IPCEF1: variants seen among roughly 807,000 people sequenced by gnomAD.
The protein encoded by IPCEF1 is interactor protein for cytohesin exchange factors 1.
IPCEF1 carries 31 observed loss-of-function variants against 50.9 expected under a neutral mutation model. The ratio of observed to expected loss-of-function variants is 0.61; its 90% CI spans 0.46 to 0.82. IPCEF1 has a LOEUF of 0.82. Among genes scored for constraint, IPCEF1 ranks in the 40% least tolerant of loss-of-function variants. The pLI is 0.00. For synonymous variants in IPCEF1, 181 were observed against 192.0 expected (o/e 0.94, Z 0.47); for missense variants, 458 against 514.0 (o/e 0.89, Z 1.05).
chr6:154,247,958 G>T (rs1190954914), intron 3 of IPCEF1, among the ~76,000 whole-genome samples: 2 of 152,146 alleles, frequency 1.3e-5, no homozygotes, highest in African/African-American at 2.4e-5. Flanking sequence ...TCAGCTCATA[G>T]TCCTGCTACC....
rs555077259 is a variant in IPCEF1, at chr6:154,159,615, C to G, written c.*213G>C. ...ACAAAAAACGCCTTTCAACTGAACT[C>G]AATCATTCCAATCTCAATGGATGCG... On this transcript the variant is annotated 3_prime_UTR_variant, in exon 12 of 12. Transcript: ENST00000367220. The G allele has an allele frequency of 3.4e-5, 19 of 562,542 alleles. No individual in the cohort carries two copies. In the Admixed American group the frequency reaches 5.5e-4, roughly 16 times the overall value. 34.8% of individuals were successfully genotyped at this position (562,542 alleles called of 1,614,324 possible).
chr6:154,285,226 G>T (rs1239937882), intron 2 of IPCEF1, among the ~76,000 whole-genome samples: 1 of 152,072 alleles, frequency 6.6e-6, no homozygotes, highest in Non-Finnish European at 1.5e-5. Context: ...GAAAGACATT[G>T]GTATCTCTAC....
chr6:154,208,590 G>A (rs977109972), intron 9 of IPCEF1, among the ~76,000 whole-genome samples: 2 of 152,218 alleles, frequency 1.3e-5, no homozygotes, highest in Non-Finnish European at 2.9e-5. Context: ...TGTGTTCCAA[G>A]TATTTAGAAT....
chr6:154,297,231 G>A (rs189079758), intron 1 of IPCEF1, among the ~76,000 whole-genome samples: 1 of 152,124 alleles, frequency 6.6e-6, no homozygotes, highest in East Asian at 1.9e-4. Context: ...GTAAAGACGG[G>A]GTTTCACCAT....
At chr6:154,196,032 C>T (rs752589682) in intron 10 of IPCEF1, among the ~76,000 whole-genome samples, 16 of 152,052 alleles carry the variant, frequency 1.1e-4, no homozygotes, top group Admixed American at 2.0e-4. Context: ...CCTCGTGATC[C>T]GCCTACCTCG....
chr6:154,281,899 G>A (rs1240007679), intron 2 of IPCEF1, among the ~76,000 whole-genome samples: 1 of 152,200 alleles, frequency 6.6e-6, no homozygotes, highest in African/African-American at 2.4e-5. Flanking sequence ...AGCTACGTGG[G>A]AGGCTGAGAC....
At chr6:154,278,407 C>A (rs559958560) in intron 2 of IPCEF1, among the ~76,000 whole-genome samples, 1 of 152,114 alleles carries the variant, frequency 6.6e-6, no homozygotes, top group Non-Finnish European at 1.5e-5. Context: ...ATCCAAGAGA[C>A]GCCAAGGCTC....
intron 2 of IPCEF1, among the ~76,000 whole-genome samples, chr6:154,281,901 G>C (rs1000101840): frequency 6.6e-6 from 1 of 152,214 alleles, no homozygotes; most frequent in Non-Finnish European, 1.5e-5. Context: ...CTACGTGGGA[G>C]GCTGAGACAG....
At chr6:154,201,251 T>C (rs1457577738) in intron 9 of IPCEF1, among the ~76,000 whole-genome samples, 1 of 152,214 alleles carries the variant, frequency 6.6e-6, no homozygotes, top group Non-Finnish European at 1.5e-5. Flanking sequence ...TAACCAACAA[T>C]TCTTGGAAAG....
chr6:154,299,292 C>G (rs1339493479), intron 1 of IPCEF1, among the ~76,000 whole-genome samples: 1 of 140,176 alleles, frequency 7.1e-6, no homozygotes, highest in East Asian at 2.0e-4. Flanking sequence ...GGGAGGTGGG[C>G]GGGTCCACAC....
At chr6:154,315,833 G>T (rs976818386) in intron 1 of IPCEF1, among the ~76,000 whole-genome samples, 4 of 149,626 alleles carry the variant, frequency 2.7e-5, no homozygotes, top group African/African-American at 4.9e-5. Context: ...AATTTTTTTT[G>T]GGGGGGAGCG....
At chr6:154,226,530 T>C (rs1779265089) in intron 5 of IPCEF1, among the ~76,000 whole-genome samples, 1 of 152,132 alleles carries the variant, frequency 6.6e-6, no homozygotes, top group Non-Finnish European at 1.5e-5. Flanking sequence ...CAAAGTTGTA[T>C]AGTTGCTGCA....
intron 1 of IPCEF1, among the ~76,000 whole-genome samples, chr6:154,292,095 T>C (rs956082763): frequency 2.0e-5 from 3 of 152,212 alleles, no homozygotes; most frequent in Non-Finnish European, 4.4e-5. Context: ...TTATTTTAAA[T>C]CCTGGATTTA....
At chr6:154,242,353 A>C (rs887550144) in intron 5 of IPCEF1, among the ~76,000 whole-genome samples, 2 of 152,200 alleles carry the variant, frequency 1.3e-5, no homozygotes, top group African/African-American at 4.8e-5. Flanking sequence ...TTTTCTGTCA[A>C]AATCAGTCCT....
intron 1 of IPCEF1, among the ~76,000 whole-genome samples, chr6:154,339,844 C>G (rs768955256): frequency 7.9e-5 from 12 of 152,106 alleles, no homozygotes; most frequent in Non-Finnish European, 1.6e-4. Context: ...GCGAGCCACC[C>G]CCCTCACCTC....
At chr6:154,276,795 T>C (rs1271125094) in intron 2 of IPCEF1, among the ~76,000 whole-genome samples, 1 of 152,200 alleles carries the variant, frequency 6.6e-6, no homozygotes, top group Non-Finnish European at 1.5e-5. Context: ...GTCTAATAAT[T>C]CTTACAGACA....
chr6:154,195,147 C>CTTTTTT (rs10719288), intron 10 of IPCEF1, among the ~76,000 whole-genome samples: 5 of 122,896 alleles, frequency 4.1e-5, no homozygotes, highest in Admixed American at 8.2e-5. Context: ...TCTTTTCTTT[C>CTTTTTT]TTTTTTTTTT....
At chr6:154,290,850 TTCTA>T (rs1562581552) in intron 1 of IPCEF1, among the ~76,000 whole-genome samples, 2 of 152,020 alleles carry the variant, frequency 1.3e-5, no homozygotes, top group African/African-American at 4.8e-5. Context: ...GATTGAGAAC[TTCTA>T]TCTATTTTCC....
At chr6:154,176,969 C>T (rs756663106) in intron 10 of IPCEF1, among the ~76,000 whole-genome samples, 1 of 152,088 alleles carries the variant, frequency 6.6e-6, no homozygotes, top group Non-Finnish European at 1.5e-5. Context: ...AGAACAGAAG[C>T]CTCAGAAATA....
Sources: allele counts gnomAD v4.1 joint callset (sites outside exome capture counted in the v4.1 genomes callset), GRCh38; gene constraint gnomAD v4.1.1; transcripts MANE v1.5; gene names NCBI Gene and HGNC (gene_info 2026-07-23, HGNC 2026-07-21).